MTSS1: variants seen among roughly 807,000 people sequenced by gnomAD.
MTSS1 encodes the protein protein MTSS 1.
MTSS1 carries 18 observed loss-of-function variants against 79.0 expected under a neutral mutation model. That is an observed-to-expected ratio of 0.23 (90% CI 0.16 to 0.34). The LOEUF is 0.34. Among genes scored for constraint, MTSS1 ranks in the 10% least tolerant of loss-of-function variants. MTSS1 has a pLI of 1.00. For synonymous variants in MTSS1, 341 were observed against 368.6 expected, an observed-to-expected ratio of 0.93 and a Z score of 0.86; for missense variants, 815 against 986.2, an observed-to-expected ratio of 0.83 and a Z score of 2.33.
chr8:124,641,268 C>T (rs1817997246), intron 3 of MTSS1, among the ~76,000 whole-genome samples: 1 of 152,148 alleles, frequency 6.6e-6, no homozygotes, highest in Non-Finnish European at 1.5e-5. Context: ...TCCCTCCAGA[C>T]CCCCCAATCC....
intron 3 of MTSS1, among the ~76,000 whole-genome samples, chr8:124,618,578 C>T (rs1345855261): frequency 1.3e-5 from 2 of 152,154 alleles, no homozygotes; most frequent in African/African-American, 4.8e-5. Context: ...GACCTGGGAC[C>T]AGGTTGAAGG....
chr8:124,620,694 C>T (rs1168769291), intron 3 of MTSS1, among the ~76,000 whole-genome samples: 3 of 152,110 alleles, frequency 2.0e-5, no homozygotes, highest in Non-Finnish European at 2.9e-5. Flanking sequence ...AGGACCTGAC[C>T]ACAGGCTGAG....
intron 3 of MTSS1, among the ~76,000 whole-genome samples, chr8:124,662,536 A>G (rs1216284711): frequency 6.6e-6 from 1 of 152,100 alleles, no homozygotes; most frequent in Non-Finnish European, 1.5e-5. Context: ...CCTTTCCCCA[A>G]TACTCAGGAT....
intron 3 of MTSS1, among the ~76,000 whole-genome samples, chr8:124,614,795 G>C (rs573504290): frequency 1.3e-5 from 2 of 152,192 alleles, no homozygotes; most frequent in Non-Finnish European, 2.9e-5. Context: ...GAAAGGAAGA[G>C]GCTCCTGCCT....
chr8:124,557,896 G>A (rs374839512), intron 10 of MTSS1, 21 bp from the exon 11 acceptor site: 20 of 1,529,594 alleles, frequency 1.3e-5, no homozygotes, highest in Non-Finnish European at 1.8e-5. Flanking sequence ...ACAAAAAAAG[G>A]GGGGGGGAAG....
At position 124,639,831 on chromosome 8, in the gene MTSS1, C is replaced by T. The variant is rs538552125; in HGVS notation, c.209-48596G>A. Among the ~76,000 whole-genome samples the T allele has an allele frequency of 5.3e-5, 8 of 152,302 alleles. No homozygotes were observed. In the South Asian group the frequency reaches 1.7e-3, roughly 32 times the overall value. On this transcript the variant is annotated intron_variant, in intron 3 of 13. Coordinates refer to ENST00000518547, the MANE Select transcript of MTSS1 (RefSeq NM_014751.6). ...AATGTTCATCATCTGCAAAGCCTAA[C>T]CTTTCGTTCAATTTCTTGCCCCAAT...
chr8:124,704,910 G>A (rs746846139), intron 1 of MTSS1, among the ~76,000 whole-genome samples: 2 of 151,946 alleles, frequency 1.3e-5, no homozygotes, highest in Admixed American at 6.6e-5. Context: ...ACTTCTCCCC[G>A]GGACCCTGCT....
At chr8:124,615,810 C>A (rs1334748095) in intron 3 of MTSS1, among the ~76,000 whole-genome samples, 1 of 152,210 alleles carries the variant, frequency 6.6e-6, no homozygotes, top group Non-Finnish European at 1.5e-5. Flanking sequence ...GAGGCAAGAA[C>A]AAGCAGTGCC....
At chr8:124,645,032 C>T (rs759356982) in intron 3 of MTSS1, among the ~76,000 whole-genome samples, 3 of 152,124 alleles carry the variant, frequency 2.0e-5, no homozygotes, top group Non-Finnish European at 4.4e-5. Context: ...CATTTCTGTT[C>T]AAACACCTGA....
At chr8:124,589,734 A>G (rs1200669106) in intron 4 of MTSS1, 23 bp from the exon 5 acceptor site, 1 of 1,508,486 alleles carries the variant, frequency 6.6e-7, no homozygotes, top group African/African-American at 1.4e-5. Flanking sequence ...GGGGGGGAAA[A>G]AGGGAGAAAT....
chr8:124,696,928 T>G (rs565500483), intron 3 of MTSS1, among the ~76,000 whole-genome samples: 1 of 151,948 alleles, frequency 6.6e-6, no homozygotes, highest in African/African-American at 2.4e-5. Flanking sequence ...GTGAAATACA[T>G]CACCTCCAAA....
At chr8:124,675,212 T>G (rs1382989408) in intron 3 of MTSS1, among the ~76,000 whole-genome samples, 1 of 152,106 alleles carries the variant, frequency 6.6e-6, no homozygotes, top group Non-Finnish European at 1.5e-5. Context: ...TGTGTCAGCC[T>G]CCCCTGCCAG....
At chr8:124,611,623 G>A (rs898802891) in intron 3 of MTSS1, among the ~76,000 whole-genome samples, 4 of 152,064 alleles carry the variant, frequency 2.6e-5, no homozygotes, top group East Asian at 1.9e-4. Flanking sequence ...AGATACCATC[G>A]GCATCTTTCA....
chr8:124,578,310 C>T lies in MTSS1; in HGVS notation c.460+6777G>A, dbSNP rs187012903. Among the ~76,000 whole-genome samples, 30 of 152,258 alleles carry T rather than the reference C, an allele frequency of 2.0e-4. No individual in the cohort carries two copies. The East Asian group carries it at 5.6e-3, about 28-fold the overall frequency. On this transcript the variant is annotated intron_variant, in intron 6 of 13. Coordinates refer to ENST00000518547, the MANE Select transcript of MTSS1 (RefSeq NM_014751.6). ...ACAGTGTGACACGTCTACCCTTCAC[C>T]ACTGTTGCTGATGCTCCTTTCTAAA...
chr8:124,577,884 G>A (rs917492499), intron 6 of MTSS1, among the ~76,000 whole-genome samples: 1 of 152,186 alleles, frequency 6.6e-6, no homozygotes, highest in Non-Finnish European at 1.5e-5. Flanking sequence ...CATAGAGGCA[G>A]AGCCATTGAT....
At chr8:124,595,447 CT>C (rs1832588781) in intron 3 of MTSS1, among the ~76,000 whole-genome samples, 1 of 152,162 alleles carries the variant, frequency 6.6e-6, no homozygotes, top group Admixed American at 6.5e-5. Context: ...CCTTTTCCCA[CT>C]TCTAGAGGCT....
chr8:124,598,283 C>A (rs1338339855), intron 3 of MTSS1, among the ~76,000 whole-genome samples: 2 of 152,028 alleles, frequency 1.3e-5, no homozygotes, highest in East Asian at 3.9e-4. Context: ...TGACTGAGAC[C>A]CTGTCTCAAA....
intron 3 of MTSS1, among the ~76,000 whole-genome samples, chr8:124,594,062 A>T (rs941850327): frequency 3.3e-5 from 5 of 152,226 alleles, no homozygotes; most frequent in African/African-American, 1.2e-4. Context: ...TGCTTCATGG[A>T]TAATTCATGC....
rs545233984 is a variant in MTSS1, at chr8:124,589,920, G to A, written c.294-209C>T. The stretch of plus-strand genomic sequence containing the variant: ...TCACCAGGCTGGAGTGCAGTGGCGC[G>A]ATCTCGGCTCACTGCAACCACCACC... On this transcript the variant is annotated intron_variant, in intron 4 of 13. Coordinates refer to ENST00000518547, the MANE Select transcript of MTSS1 (RefSeq NM_014751.6). Among the ~76,000 whole-genome samples the A allele has an allele frequency of 3.3e-5, 5 of 152,178 alleles. No individual in the cohort carries two copies. The East Asian group carries it at 5.8e-4, about 18-fold the overall frequency.
Sources: allele counts gnomAD v4.1 joint callset (sites outside exome capture counted in the v4.1 genomes callset), GRCh38; gene constraint gnomAD v4.1.1; transcripts MANE v1.5; gene names NCBI Gene and HGNC (gene_info 2026-07-23, HGNC 2026-07-21).